NISCH: variants seen among roughly 807,000 people sequenced by gnomAD.
NISCH encodes the protein nischarin.
Under a neutral mutation model 138.4 loss-of-function variants are expected in NISCH, and 55 were observed. That is an observed-to-expected ratio of 0.40 (90% CI 0.32 to 0.50). NISCH has a LOEUF of 0.50. NISCH is among the 20% of genes least tolerant of loss of function. The pLI is 0.71. For synonymous variants in NISCH, 860 were observed against 861.5 expected (o/e 1.00, Z 0.03); for missense variants, 1,643 against 2,005.5 (o/e 0.82, Z 3.45).
chr3:52,468,609 C>T (rs928682378), intron 3 of NISCH, among the ~76,000 whole-genome samples: 1 of 152,058 alleles, frequency 6.6e-6, no homozygotes, highest in Non-Finnish European at 1.5e-5. Context: ...CCACCTCTGC[C>T]CTCACTTCCA....
At chr3:52,486,889 A>G (rs1347318774) in intron 15 of NISCH, among the ~76,000 whole-genome samples, 2 of 152,212 alleles carry the variant, frequency 1.3e-5, no homozygotes, top group Non-Finnish European at 2.9e-5. Context: ...TGAATGACTT[A>G]GAAGTCCATG....
intron 13 of NISCH, chr3:52,480,968 A>G: frequency 1.3e-6 from 2 of 1,486,772 alleles, no homozygotes; most frequent in Non-Finnish European, 1.8e-6. Flanking sequence ...TGCCGTCCCG[A>G]GTGGAGCCGA....
chr3:52,459,363 C>T (rs1706565672), intron 3 of NISCH, among the ~76,000 whole-genome samples: 1 of 152,214 alleles, frequency 6.6e-6, no homozygotes, highest in Admixed American at 6.5e-5. Flanking sequence ...GAAAGAGGAA[C>T]AACTTTCATA....
chr3:52,481,981 C>G, intron 13 of NISCH: 3 of 935,976 alleles, frequency 3.2e-6, no homozygotes, highest in Non-Finnish European at 3.8e-6. Context: ...CTCCTGATGT[C>G]TCCGCTCTAT....
chr3:52,480,882 T>C, intron 13 of NISCH: 1 of 1,535,006 alleles, frequency 6.5e-7, no homozygotes, highest in Non-Finnish European at 8.7e-7. Flanking sequence ...AACCCAGGCA[T>C]CCTCGGAGAT....
intron 12 of NISCH, 68 bp downstream of exon 12, chr3:52,479,930 G>A (rs1249583475): frequency 3.9e-6 from 5 of 1,285,678 alleles, no homozygotes; most frequent in Non-Finnish European, 4.4e-6. Flanking sequence ...AGTTTGGGGG[G>A]CTTGGGCCAT....
intron 6 of NISCH, among the ~76,000 whole-genome samples, chr3:52,472,867 T>C (rs756101570): frequency 2.2e-4 from 33 of 152,242 alleles, no homozygotes; most frequent in African/African-American, 6.0e-4. Context: ...GCGATGCCAA[T>C]TTTAGCATTT....
In NISCH at chr3:52,471,864, C is replaced by A; in HGVS notation, c.460C>A (p.Leu154Met). ...GEVFAIGPLQ[L>M]YAVTEQLQQG... ...GGTCTTTGCCATTGGACCCCTGCAG[C>A]TGTATGCCGTCACGGAGCAGCTGCA... The change falls in exon 5 of 21, where the codon CTG becomes ATG. Residue 154 changes from leucine to methionine, a missense_variant. By Grantham distance (15) the Leu-to-Met change is conservative. Coordinates refer to ENST00000345716, the MANE Select transcript of NISCH (RefSeq NM_007184.4). 1 of 1,613,894 alleles carries A rather than the reference C, an allele frequency of 6.2e-7. No homozygotes were observed. The highest frequency in any genetic ancestry group is 8.5e-7 in the Non-Finnish European group (1 of 1,179,940).
intron 3 of NISCH, among the ~76,000 whole-genome samples, chr3:52,469,103 TC>T (rs1465863148): frequency 3.9e-5 from 6 of 152,194 alleles, no homozygotes; most frequent in Non-Finnish European, 8.8e-5. Flanking sequence ...ACACCCTGTC[TC>T]CTGTGTCTTT....
intron 7 of NISCH, 116 bp from the exon 8 acceptor site, chr3:52,476,331 T>C (rs1578294765): frequency 8.8e-7 from 1 of 1,142,286 alleles, no homozygotes; most frequent in Admixed American, 2.0e-5. Context: ...AATGCAAGTT[T>C]ACTTCCACAT....
chr3:52,457,167 C>CA (rs1186832665), intron 1 of NISCH, among the ~76,000 whole-genome samples: 1 of 152,214 alleles, frequency 6.6e-6, no homozygotes, highest in Non-Finnish European at 1.5e-5. Context: ...CTCCAAGTTA[C>CA]TTATATAAGT....
chr3:52,481,888 T>C, intron 13 of NISCH: 1 of 985,484 alleles, frequency 1.0e-6, no homozygotes, highest in Non-Finnish European at 1.2e-6. Flanking sequence ...TTGCACCTCT[T>C]AAATAAAACT....
intron 3 of NISCH, among the ~76,000 whole-genome samples, chr3:52,461,111 A>T (rs1194900796): frequency 6.6e-6 from 1 of 152,160 alleles, no homozygotes; most frequent in Admixed American, 6.5e-5. Flanking sequence ...GTGGTGACTC[A>T]TGCCTGTAGT....
intron 6 of NISCH, among the ~76,000 whole-genome samples, chr3:52,473,230 G>A (rs1051742379): frequency 3.3e-5 from 5 of 152,180 alleles, no homozygotes; most frequent in Non-Finnish European, 5.9e-5. Flanking sequence ...GGGGAAACCC[G>A]ACCCAGCCCT....
chr3:52,471,077 G>A (rs193210632), intron 4 of NISCH, among the ~76,000 whole-genome samples, 170 bp downstream of exon 4: 122 of 152,244 alleles, frequency 8.0e-4, no homozygotes, highest in African/African-American at 2.9e-3. Context: ...CATGTCAGGG[G>A]CTCAGCCCAG....
chr3:52,463,351 G>C (rs1353275890), intron 3 of NISCH, among the ~76,000 whole-genome samples: 1 of 152,206 alleles, frequency 6.6e-6, no homozygotes, highest in East Asian at 1.9e-4. Context: ...TTATTTATTA[G>C]CAGTTGATGG....
At chr3:52,461,972 T>G (rs946312322) in intron 3 of NISCH, among the ~76,000 whole-genome samples, 1 of 152,176 alleles carries the variant, frequency 6.6e-6, no homozygotes, top group Admixed American at 6.5e-5. Flanking sequence ...GCTTGAGACC[T>G]ATGCCTTTGA....
chr3:52,469,008 A>ACAACATATAAACCAC (rs1473628164), intron 3 of NISCH, among the ~76,000 whole-genome samples: 1 of 152,252 alleles, frequency 6.6e-6, no homozygotes, highest in African/African-American at 2.4e-5. Flanking sequence ...GGAAATGTTT[A>ACAACATATAAACCAC]CAACATATAA....
chr3:52,481,764 T>A (rs1707281635), intron 13 of NISCH: 1 of 985,434 alleles, frequency 1.0e-6, no homozygotes, highest in Non-Finnish European at 1.2e-6. Context: ...CGGAGAAGCC[T>A]CTGCACCAGC....
Sources: allele counts gnomAD v4.1 joint callset (sites outside exome capture counted in the v4.1 genomes callset), GRCh38; gene constraint gnomAD v4.1.1; transcripts MANE v1.5; gene names NCBI Gene and HGNC (gene_info 2026-07-23, HGNC 2026-07-21).